ELMOD1: variants seen among roughly 807,000 people sequenced by gnomAD.
ELMOD1 encodes ELMO domain-containing protein 1.
A neutral mutation model predicts 46.7 loss-of-function variants in ELMOD1; 21 were observed. The ratio of observed to expected loss-of-function variants is 0.45; its 90% CI spans 0.32 to 0.65. The LOEUF is 0.65. ELMOD1 is among the 30% of genes least tolerant of loss of function. The pLI, the probability that ELMOD1 is intolerant of heterozygous loss-of-function variation, is 0.04. For synonymous variants in ELMOD1, 122 were observed against 138.2 expected, an observed-to-expected ratio of 0.88 and a Z score of 0.82; for missense variants, 348 against 407.8, an observed-to-expected ratio of 0.85 and a Z score of 1.26.
intron 9 of ELMOD1, chr11:107,653,505 G>A (rs1162512200): frequency 1.3e-5 from 2 of 151,800 alleles, no homozygotes; most frequent in African/African-American, 4.8e-5. Flanking sequence ...GCACTTATTG[G>A]GACAGAGTTT....
In ELMOD1 at chr11:107,594,735, G is replaced by A. The variant is rs556050173; in HGVS notation, c.-86+3326G>A. Among the ~76,000 whole-genome samples the A allele has an allele frequency of 2.6e-5, 4 of 152,290 alleles. No individual in the cohort carries two copies. In the South Asian group the frequency reaches 6.2e-4, roughly 24 times the overall value. On this transcript the variant is annotated intron_variant, in intron 1 of 11. Transcript: ENST00000265840. The stretch of plus-strand genomic sequence containing the variant: ...AATTTCTGAAATAAGATAAGCAGAT[G>A]TCTTGGTTTTAGCAAATCTGTTGCT...
At chr11:107,606,661 C>T (rs1407124038) in intron 1 of ELMOD1, among the ~76,000 whole-genome samples, 3 of 152,132 alleles carry the variant, frequency 2.0e-5, no homozygotes, top group East Asian at 1.9e-4. Flanking sequence ...ATGGTGAAAC[C>T]GCGTCTCTAC....
intron 6 of ELMOD1, 23 bp downstream of exon 6, chr11:107,635,788 G>A: frequency 6.2e-7 from 1 of 1,601,928 alleles, no homozygotes; most frequent in Non-Finnish European, 8.5e-7. Context: ...ACACATTTCG[G>A]TTCTTCCTCT....
intron 1 of ELMOD1, among the ~76,000 whole-genome samples, chr11:107,594,454 G>A (rs4753808): frequency 0.11 from 16,651 of 152,004 alleles, 1,385 homozygotes; most frequent in African/African-American, 0.22. Flanking sequence ...GCTGAAAAGG[G>A]ACAAGTGCAG....
intron 2 of ELMOD1, among the ~76,000 whole-genome samples, chr11:107,622,791 C>A (rs889988886): frequency 3.9e-5 from 6 of 152,060 alleles, no homozygotes; most frequent in African/African-American, 1.2e-4. Flanking sequence ...AAGCTAAGTC[C>A]TGAAAAAGGG....
At chr11:107,624,699 G>A (rs186808257) in intron 2 of ELMOD1, among the ~76,000 whole-genome samples, 1 of 152,260 alleles carries the variant, frequency 6.6e-6, no homozygotes. Flanking sequence ...TAATGTTGTT[G>A]TTAGTAAATT....
At chr11:107,632,687 G>A (rs1428870561) in intron 5 of ELMOD1, among the ~76,000 whole-genome samples, 1 of 152,170 alleles carries the variant, frequency 6.6e-6, no homozygotes, top group Non-Finnish European at 1.5e-5. Flanking sequence ...CTGGGAAGGT[G>A]ATAAGAAGGC....
intron 1 of ELMOD1, among the ~76,000 whole-genome samples, chr11:107,602,723 T>TC (rs943114294): frequency 1.5e-5 from 2 of 131,466 alleles, no homozygotes; most frequent in East Asian, 3.2e-4. Flanking sequence ...TCTTTCAGAT[T>TC]CCCTTTTTTT....
At position 107,655,969 on chromosome 11, in the gene ELMOD1, C is replaced by A; in HGVS notation, c.735C>A (p.Asp245Glu). 9 of 1,602,804 alleles carry A rather than the reference C, an allele frequency of 5.6e-6. No homozygotes were observed. The highest frequency in any genetic ancestry group is 7.7e-6 in the Non-Finnish European group (9 of 1,173,796). The part of the protein sequence containing the change: ...SFAIVGINIT[D>E]LAYNLLVSGA... ...CAATTGTGGGCATCAATATAACTGA[C>A]CTGGCATATAATCTACTGGTCAGCG... Residue 245 changes from aspartate to glutamate, a missense_variant, in exon 11 of 12, where the codon GAC becomes GAA. Asp to Glu is a conservative substitution (Grantham distance 45). Transcript: ENST00000265840.
intron 1 of ELMOD1, among the ~76,000 whole-genome samples, chr11:107,606,050 T>G (rs1275216596): frequency 6.6e-6 from 1 of 152,222 alleles, no homozygotes; most frequent in Non-Finnish European, 1.5e-5. Flanking sequence ...TCTTTCCTTC[T>G]CTTTCTTTCC....
At chr11:107,634,832 G>A (rs1866200284) in intron 5 of ELMOD1, among the ~76,000 whole-genome samples, 2 of 152,184 alleles carry the variant, frequency 1.3e-5, no homozygotes, top group Admixed American at 6.5e-5. Context: ...TTTCCCTAGA[G>A]ATTAGAAGAC....
intron 1 of ELMOD1, among the ~76,000 whole-genome samples, chr11:107,605,054 T>C (rs1297191546): frequency 1.3e-5 from 2 of 152,364 alleles, no homozygotes; most frequent in African/African-American, 2.4e-5. Context: ...TATTTTATCA[T>C]GGTTTTATTG....
intron 5 of ELMOD1, among the ~76,000 whole-genome samples, chr11:107,632,740 A>G (rs1866161737): frequency 1.3e-5 from 2 of 152,186 alleles, no homozygotes; most frequent in South Asian, 4.1e-4. Context: ...TAAGACTACA[A>G]CTGGCAAGAG....
At chr11:107,642,926 T>C in intron 6 of ELMOD1, 1 of 337,996 alleles carries the variant, frequency 3.0e-6, no homozygotes, top group Non-Finnish European at 5.9e-6. Context: ...GAACTTCCTC[T>C]TCTAAAGTTG....
chr11:107,641,121 G>A (rs1361639995), intron 6 of ELMOD1, among the ~76,000 whole-genome samples: 1 of 151,958 alleles, frequency 6.6e-6, no homozygotes, highest in Non-Finnish European at 1.5e-5. Context: ...GTGAAACACC[G>A]TCTCTACCAA....
intron 1 of ELMOD1, 113 bp from the exon 2 acceptor site, chr11:107,617,992 T>TA: frequency 1.6e-6 from 1 of 623,344 alleles, no homozygotes; most frequent in Non-Finnish European, 2.9e-6. Context: ...GTTCTGTTGA[T>TA]AATGTTCTGG....
rs752553992 is a variant in ELMOD1 at position 107,650,342 on chromosome 11, G to A, written c.562G>A (p.Ala188Thr). Reference sequence around the variant, plus strand: ...CTTTCCCTCCCGCTGCAGGTATTTCGCGGAAAGGGATGCCACAGCAGCTCA... The same window carrying A: ...CTTTCCCTCCCGCTGCAGGTATTTCACGGAAAGGGATGCCACAGCAGCTCA... ...LLGLYNLQYF[A>T]ERDATAAQQV... Residue 188 changes from alanine to threonine, a missense_variant, in exon 8 of 12, where the codon GCG becomes ACG. Coordinates refer to ENST00000265840, the MANE Select transcript of ELMOD1 (RefSeq NM_018712.4). The A allele has an allele frequency of 1.2e-5, 19 of 1,583,774 alleles. No homozygotes were observed. Among genetic ancestry groups the A allele is most frequent in the Middle Eastern group, 1.7e-4 (1 of 6,024 alleles).
intron 1 of ELMOD1, among the ~76,000 whole-genome samples, chr11:107,594,898 C>T (rs1381082353): frequency 6.6e-6 from 1 of 152,170 alleles, no homozygotes; most frequent in Non-Finnish European, 1.5e-5. Context: ...GCTTGTAGTA[C>T]CACAGAGGAC....
chr11:107,594,149 A>C (rs76684812), intron 1 of ELMOD1, among the ~76,000 whole-genome samples: 2,607 of 152,070 alleles, frequency 0.017, 80 homozygotes, highest in African/African-American at 0.06. Context: ...GGGCGTGTCT[A>C]CTGTAGGAGC....
Sources: gnomAD v4.1 joint callset for allele counts (sites outside exome capture counted in the v4.1 genomes callset) on GRCh38, gnomAD v4.1.1 for gene constraint, MANE v1.5 for transcripts, NCBI Gene and HGNC (gene_info 2026-07-23, HGNC 2026-07-21) for gene names.